The following PDXDC1 variants were observed in gnomAD, a reference collection of about 807,000 sequenced individuals.
PDXDC1 encodes the protein pyridoxal dependent decarboxylase domain containing 1.
Under a neutral mutation model 100.1 loss-of-function variants are expected in PDXDC1, and 42 were observed. The observed-to-expected ratio is 0.42, with a 90% CI of 0.33 to 0.54. The LOEUF is 0.54. Among genes scored for constraint, PDXDC1 ranks in the 20% least tolerant of loss-of-function variants. The probability of loss-of-function intolerance (pLI) is 0.10; values close to 1 mark genes in which losing one functional copy is unlikely to be tolerated. For synonymous variants in PDXDC1, 260 were observed against 371.7 expected (o/e 0.70, Z 3.46); for missense variants, 636 against 979.2 (o/e 0.65, Z 4.68).
intron 16 of PDXDC1, chr16:15,065,385 A>G (rs749684452): frequency 6.2e-7 from 1 of 1,611,382 alleles, no homozygotes; most frequent in South Asian, 1.1e-5. Flanking sequence ...TGGAACAAAA[A>G]AACAACACAG....
At chr16:15,147,986 G>GT in the PDXDC1 span, among the ~76,000 whole-genome samples, 1 of 151,024 alleles carries the variant, frequency 6.6e-6, no homozygotes, top group African/African-American at 2.4e-5. Flanking sequence ...CGCCCACCCT[G>GT]TTTTTTTGTT....
intron 16 of PDXDC1, chr16:15,070,155 A>G (rs771033542): frequency 6.2e-7 from 1 of 1,609,526 alleles, no homozygotes; most frequent in Admixed American, 1.7e-5. Context: ...AAAATGGTCC[A>G]TGGAGAGCAA....
At chr16:15,035,317 C>T in intron 21 of PDXDC1, 132 bp from the exon 22 acceptor site, 2 of 528,842 alleles carry the variant, frequency 3.8e-6, no homozygotes, top group Non-Finnish European at 6.8e-6. Context: ...AAGTGCCCTT[C>T]TCTCCACCAG....
chr16:15,051,634 G>A (rs562165073), intron 16 of PDXDC1, among the ~76,000 whole-genome samples: 12 of 151,932 alleles, frequency 7.9e-5, no homozygotes, highest in East Asian at 7.8e-4. Context: ...ACAGGCGCAC[G>A]CCACCACACT....
At position 15,036,434 on chromosome 16, in the gene PDXDC1, G is replaced by C. The variant is rs897765741; in HGVS notation, c.*159G>C. On this transcript the variant is annotated 3_prime_UTR_variant, in exon 23 of 23. Transcript: ENST00000396410. Reference sequence around the variant, plus strand: ...TGTGCCTGAAAGGTAGGCTTTCTAGGAGGGGAGTCAGCTTGTCTAACTTCA... The same window carrying C: ...TGTGCCTGAAAGGTAGGCTTTCTAGCAGGGGAGTCAGCTTGTCTAACTTCA... 2 of 673,326 alleles carry C rather than the reference G, an allele frequency of 3.0e-6. No individual in the cohort carries two copies. The highest frequency in any genetic ancestry group is 3.6e-5 in the African/African-American group (2 of 55,174). The allele number at this position is 673,326 out of a possible 1,614,324, so 41.7% of individuals were successfully genotyped here.
At chr16:15,111,458 A>AAG (rs760737231) in intron 16 of PDXDC1, among the ~76,000 whole-genome samples, 2,066 of 142,504 alleles carry the variant, frequency 0.014, 93 homozygotes, top group Non-Finnish European at 0.025. Context: ...CTCTGTCTCA[A>AAG]AAAAAAAAAA....
At chr16:15,085,592 A>G (rs762582460) in intron 16 of PDXDC1, 1 of 1,598,418 alleles carries the variant, frequency 6.3e-7, no homozygotes, top group Non-Finnish European at 8.5e-7. Flanking sequence ...TGCTGGGATT[A>G]TGGGTGAAAG....
At chr16:15,135,166 A>C (rs760834993) in intron 16 of PDXDC1, 3 of 858,948 alleles carry the variant, frequency 3.5e-6, no homozygotes, top group Middle Eastern at 6.6e-4. Flanking sequence ...TTTGCATCAG[A>C]AACAGAGAGG....
chr16:15,091,152 C>G lies in PDXDC1; in HGVS notation c.1400-47727C>G, dbSNP rs1261147243. Among the ~76,000 whole-genome samples the G allele has an allele frequency of 2.0e-5, 3 of 152,046 alleles. No homozygotes were observed. In the East Asian group the frequency reaches 5.8e-4, roughly 29 times the overall value. ...AATATCTGCAGCCATCACCAAATGTCTTCTAGGGGGTAAAACTGTCCCTGG... is the reference window on the plus strand; with the variant it reads ...AATATCTGCAGCCATCACCAAATGTGTTCTAGGGGGTAAAACTGTCCCTGG... On this transcript the variant is annotated intron_variant, in intron 16 of 16. Coordinates refer to the PDXDC1 transcript ENST00000535621.
intron 16 of PDXDC1, among the ~76,000 whole-genome samples, chr16:15,063,704 CAAAAAAAAA>C (rs10664930): frequency 3.4e-5 from 3 of 89,130 alleles, no homozygotes; most frequent in Non-Finnish European, 6.1e-5. Context: ...GACTCTGTCT[CAAAAAAAAA>C]AAAAAAAAAG....
intron 16 of PDXDC1, chr16:15,128,162 G>A: frequency 3.1e-6 from 5 of 1,610,096 alleles, no homozygotes; most frequent in South Asian, 1.1e-5. Flanking sequence ...GGGAGGTCAG[G>A]CTCGCAGGGC....
At chr16:15,003,113 A>G (rs1973509123) in intron 4 of PDXDC1, among the ~76,000 whole-genome samples, 1 of 152,130 alleles carries the variant, frequency 6.6e-6, no homozygotes, top group Admixed American at 6.5e-5. Context: ...CATTTTATAT[A>G]ATCAATTTTA....
chr16:15,077,174 A>G (rs1254562184), intron 16 of PDXDC1, among the ~76,000 whole-genome samples: 6 of 151,034 alleles, frequency 4.0e-5, no homozygotes, highest in African/African-American at 1.2e-4. Context: ...AGATGGGGTT[A>G]CTCCATGTTA....
At chr16:15,119,556 T>C (rs1398065788) in intron 16 of PDXDC1, among the ~76,000 whole-genome samples, 8 of 141,758 alleles carry the variant, frequency 5.6e-5, no homozygotes, top group Non-Finnish European at 1.2e-4. Flanking sequence ...GCAGCTGAGA[T>C]TACAGGTCTC....
chr16:15,064,354 T>C (rs1446414593), intron 16 of PDXDC1, among the ~76,000 whole-genome samples: 5 of 152,166 alleles, frequency 3.3e-5, no homozygotes, highest in Non-Finnish European at 5.9e-5. Flanking sequence ...TTTGTATTTT[T>C]AGTAAAGACA....
At chr16:15,133,966 C>T in intron 16 of PDXDC1, 1 of 1,341,918 alleles carries the variant, frequency 7.5e-7, no homozygotes, top group Non-Finnish European at 1.0e-6. Context: ...CCCTCGCCGT[C>T]CCGCAGCACG....
chr16:15,135,247 A>C (rs1381925346), intron 16 of PDXDC1: 6 of 872,006 alleles, frequency 6.9e-6, no homozygotes, highest in Non-Finnish European at 1.1e-5. Flanking sequence ...TGGGCTGTCC[A>C]AGGCAAGTGG....
rs774512208 is a variant in PDXDC1, at chr16:15,086,375, C to T, written c.1400-52504C>T. The stretch of plus-strand genomic sequence containing the variant: ...AAATGGTGAACTTACTAATATAATA[C>T]TGATAAGTTGCTCAAAGTCTTTTGT... On this transcript the variant is annotated intron_variant, in intron 16 of 16. Coordinates refer to the PDXDC1 transcript ENST00000535621. The T allele has an allele frequency of 3.7e-6, 6 of 1,613,708 alleles. No homozygotes were observed. In the Admixed American group the frequency reaches 6.7e-5, roughly 18 times the overall value.
chr16:14,977,269 C>CTTTTTT (rs5816116), intron 1 of PDXDC1, among the ~76,000 whole-genome samples: 4 of 95,056 alleles, frequency 4.2e-5, no homozygotes, highest in African/African-American at 1.6e-4. Context: ...ATGGGACTTA[C>CTTTTTT]TTTTTTTTTT....
Sources: gnomAD v4.1 joint callset for allele counts (sites outside exome capture counted in the v4.1 genomes callset) on GRCh38, gnomAD v4.1.1 for gene constraint, MANE v1.5 for transcripts, NCBI Gene and HGNC (gene_info 2026-07-23, HGNC 2026-07-21) for gene names.